The following PCDH15 variants were observed in gnomAD, a reference collection of about 807,000 sequenced individuals.
PCDH15 encodes protocadherin-15.
In PCDH15, 129 loss-of-function variants were observed where a neutral mutation model predicts 178.5. The ratio of observed to expected loss-of-function variants is 0.72; its 90% CI spans 0.63 to 0.84. The LOEUF is 0.84. Among genes scored for constraint, PCDH15 ranks in the 40% least tolerant of loss-of-function variants. The pLI, the probability that PCDH15 is intolerant of heterozygous loss-of-function variation, is 0.00. For synonymous variants in PCDH15, 800 were observed against 732.0 expected (o/e 1.09, Z -1.50); for missense variants, 2,230 against 2,099.9 (o/e 1.06, Z -1.21).
intron 2 of PCDH15, among the ~76,000 whole-genome samples, chr10:55,086,985 T>C (rs572287019): frequency 2.0e-5 from 3 of 152,184 alleles, no homozygotes; most frequent in African/African-American, 7.2e-5. Flanking sequence ...AAATGTTCTT[T>C]GCAGTATTTT....
At chr10:54,219,695 A>G (rs952253507) in intron 9 of PCDH15, among the ~76,000 whole-genome samples, 3 of 151,812 alleles carry the variant, frequency 2.0e-5, no homozygotes, top group Admixed American at 1.3e-4. Flanking sequence ...CTTTCCGAGA[A>G]AAACAAAAAC....
intron 3 of PCDH15, among the ~76,000 whole-genome samples, chr10:54,470,870 G>A (rs1232590302): frequency 6.6e-6 from 1 of 152,070 alleles, no homozygotes; most frequent in Non-Finnish European, 1.5e-5. Context: ...TTTTGTGAAG[G>A]AGGTGAGTAC....
At chr10:54,510,637 C>G (rs964732956) in intron 3 of PCDH15, among the ~76,000 whole-genome samples, 1 of 152,046 alleles carries the variant, frequency 6.6e-6, no homozygotes, top group Admixed American at 6.6e-5. Flanking sequence ...GTCATTGTTT[C>G]AGACAAAAGG....
chr10:55,423,320 T>C (rs534636630), intron 2 of PCDH15, among the ~76,000 whole-genome samples: 1 of 152,142 alleles, frequency 6.6e-6, no homozygotes, highest in South Asian at 2.1e-4. Flanking sequence ...TAGGATGCAC[T>C]GTAGGGTATC....
At chr10:54,696,424 G>T (rs1427345808) in intron 1 of PCDH15, among the ~76,000 whole-genome samples, 2 of 152,042 alleles carry the variant, frequency 1.3e-5, no homozygotes, top group Non-Finnish European at 2.9e-5. Context: ...TCTATTCCTG[G>T]TGAAGATGCC....
intron 3 of PCDH15, among the ~76,000 whole-genome samples, chr10:54,820,283 C>T (rs964983091): frequency 6.6e-6 from 1 of 152,092 alleles, no homozygotes; most frequent in Admixed American, 6.6e-5. Context: ...CTATGTTCTA[C>T]ATGAAATGAA....
chr10:55,574,722 C>T (rs1372143777), intron 2 of PCDH15, among the ~76,000 whole-genome samples: 1 of 151,708 alleles, frequency 6.6e-6, no homozygotes, highest in Admixed American at 6.6e-5. Flanking sequence ...TTGACAGAAC[C>T]AACAATATAA....
chr10:55,390,889 C>T lies in PCDH15; in HGVS notation c.-155-224238G>A, dbSNP rs140330068. Among the ~76,000 whole-genome samples the T allele has an allele frequency of 3.7e-3, 568 of 152,272 alleles. 4 individuals are homozygous for T. The highest frequency in any genetic ancestry group is 0.011 in the African/African-American group (472 of 41,546). ...TGTGAAAACAGATGTACAATCTTTGCTGTTTCATTTACAGAGCACAGGTGT... is the reference window on the plus strand; with the variant it reads ...TGTGAAAACAGATGTACAATCTTTGTTGTTTCATTTACAGAGCACAGGTGT... On this transcript the variant is annotated intron_variant, in intron 2 of 5. Transcript: ENST00000613346.
At chr10:54,569,461 T>C (rs1262298896) in intron 2 of PCDH15, among the ~76,000 whole-genome samples, 2 of 152,192 alleles carry the variant, frequency 1.3e-5, no homozygotes, top group South Asian at 2.1e-4. Context: ...GATTTCTTTT[T>C]CCAAAATGTT....
chr10:54,039,884 A>T (rs1271797801), intron 18 of PCDH15, among the ~76,000 whole-genome samples: 2 of 151,982 alleles, frequency 1.3e-5, no homozygotes, highest in Admixed American at 1.3e-4. Flanking sequence ...ATCATTACAA[A>T]ATAAAGAGAA....
At chr10:54,504,250 C>T (rs75391883) in intron 3 of PCDH15, among the ~76,000 whole-genome samples, 12,435 of 152,136 alleles carry the variant, frequency 0.082, 689 homozygotes, top group African/African-American at 0.15. Flanking sequence ...TGAAGAACTA[C>T]TTAGATGCCC....
chr10:55,540,553 G>A (rs534796444), intron 2 of PCDH15, among the ~76,000 whole-genome samples: 1 of 151,920 alleles, frequency 6.6e-6, no homozygotes, highest in Admixed American at 6.6e-5. Flanking sequence ...AGGAGGCTGG[G>A]GACAGAATGA....
intron 18 of PCDH15, among the ~76,000 whole-genome samples, chr10:54,064,862 T>A (rs1280488796): frequency 6.6e-6 from 1 of 152,184 alleles, no homozygotes; most frequent in Non-Finnish European, 1.5e-5. Context: ...TGCCTAGGTC[T>A]GCAGCCACAG....
intron 2 of PCDH15, among the ~76,000 whole-genome samples, chr10:55,451,523 A>G (rs1839435556): frequency 6.6e-6 from 1 of 152,104 alleles, no homozygotes; most frequent in African/African-American, 2.4e-5. Flanking sequence ...AATAAAAAAC[A>G]AAACAGTTTG....
At chr10:53,833,259 T>C (rs777636694) in intron 29 of PCDH15, among the ~76,000 whole-genome samples, 1 of 152,080 alleles carries the variant, frequency 6.6e-6, no homozygotes, top group Non-Finnish European at 1.5e-5. Context: ...ATTGGATTCC[T>C]GGATTTCATA....
chr10:54,411,091 T>C lies in PCDH15; in HGVS notation c.158-32149A>G, dbSNP rs180938969. 2.6e-5 allele frequency among the ~76,000 whole-genome samples: 4 copies of C among 152,044 alleles called. No individual in the cohort carries two copies. The East Asian group carries it at 7.7e-4, about 29-fold the overall frequency. Reference sequence around the variant, plus strand: ...ACAGACATGCATTATGAAAAGGGAGTTATTCAAGTAAAAAGCACCTGCCGC... The same window carrying C: ...ACAGACATGCATTATGAAAAGGGAGCTATTCAAGTAAAAAGCACCTGCCGC... On this transcript the variant is annotated intron_variant, in intron 3 of 37. Transcript: ENST00000644397.
chr10:54,666,463 G>A (rs1173719560), intron 1 of PCDH15, among the ~76,000 whole-genome samples: 1 of 151,986 alleles, frequency 6.6e-6, no homozygotes, highest in Non-Finnish European at 1.5e-5. Flanking sequence ...GGCATATGGA[G>A]GCCCAGGAGA....
chr10:54,555,105 G>C (rs1162033308), intron 2 of PCDH15, among the ~76,000 whole-genome samples: 1 of 152,088 alleles, frequency 6.6e-6, no homozygotes, highest in Non-Finnish European at 1.5e-5. Context: ...CTGATCTGTG[G>C]GGTCATTAAT....
chr10:54,073,165 T>G (rs959386484), intron 17 of PCDH15, among the ~76,000 whole-genome samples: 1 of 151,600 alleles, frequency 6.6e-6, no homozygotes, highest in Non-Finnish European at 1.5e-5. Flanking sequence ...TATGCAATCG[T>G]GCATGTTTTT....
Sources: allele counts gnomAD v4.1 joint callset (sites outside exome capture counted in the v4.1 genomes callset), GRCh38; gene constraint gnomAD v4.1.1; transcripts MANE v1.5; gene names NCBI Gene and HGNC (gene_info 2026-07-23, HGNC 2026-07-21).